Variants in RPS6KA6 observed in about 807,000 individuals in gnomAD.
RPS6KA6 encodes ribosomal protein S6 kinase alpha-6.
Under a neutral mutation model 65.4 loss-of-function variants are expected in RPS6KA6, and 27 were observed. The observed-to-expected ratio is 0.41, with a 90% CI of 0.30 to 0.57. The LOEUF (loss-of-function observed/expected upper bound fraction) is 0.57, where lower values mean the gene tolerates loss of function less well. Among genes scored for constraint, RPS6KA6 ranks in the 20% least tolerant of loss-of-function variants. RPS6KA6 has a pLI of 0.24. For synonymous variants in RPS6KA6, 190 were observed against 184.2 expected (o/e 1.03, Z -0.26); for missense variants, 486 against 555.6 (o/e 0.87, Z 1.26).
intron 6 of RPS6KA6, among the ~76,000 whole-genome samples, chrX:84,143,936 G>A (rs2035151995): frequency 9.0e-6 from 1 of 111,113 alleles, no homozygotes; most frequent in African/African-American, 3.3e-5. Context: ...GTGAAGAAAA[G>A]ACAGACTTTT....
chrX:84,127,796 A>C (rs1191301141), intron 8 of RPS6KA6, among the ~76,000 whole-genome samples: 1 of 110,188 alleles, frequency 9.1e-6, no homozygotes, highest in Non-Finnish European at 1.9e-5. Context: ...AAACCCTCAG[A>C]AAATTGGGTA....
intron 8 of RPS6KA6, among the ~76,000 whole-genome samples, chrX:84,130,592 A>T (rs991950942): frequency 1.3e-4 from 14 of 111,994 alleles, no homozygotes. Flanking sequence ...CCAAAGCAGG[A>T]AATAACTCAA....
intron 16 of RPS6KA6, among the ~76,000 whole-genome samples, chrX:84,105,140 T>C (rs1304821174): frequency 9.1e-6 from 1 of 109,899 alleles, no homozygotes; most frequent in Non-Finnish European, 1.9e-5. Flanking sequence ...AAGAAAAGTA[T>C]TTATACACTT....
chrX:84,156,044 G>A, intron 3 of RPS6KA6, 31 bp downstream of exon 3: 1 of 857,857 alleles, frequency 1.2e-6, no homozygotes. Context: ...GTTTAGAAGA[G>A]GAACAAATGG....
chrX:84,085,244 T>G (rs2033893116), intron 20 of RPS6KA6, among the ~76,000 whole-genome samples: 1 of 111,017 alleles, frequency 9.0e-6, no homozygotes, highest in African/African-American at 3.3e-5. Context: ...TGAATAGGAG[T>G]GGTGAGAGAG....
chrX:84,097,125 G>T (rs1283019254), intron 19 of RPS6KA6, among the ~76,000 whole-genome samples: 7 of 110,768 alleles, frequency 6.3e-5, no homozygotes. Flanking sequence ...ATAATTACTT[G>T]CTAAACTTGG....
At chrX:84,167,164 C>T (rs760315455) in intron 1 of RPS6KA6, among the ~76,000 whole-genome samples, 49 of 111,509 alleles carry the variant, frequency 4.4e-4, no homozygotes, top group Non-Finnish European at 7.7e-4. Context: ...TGAATGACTG[C>T]AGATTTCTCG....
At chrX:84,080,897 A>C (rs1470450895) in intron 20 of RPS6KA6, among the ~76,000 whole-genome samples, 1 of 111,881 alleles carries the variant, frequency 8.9e-6, no homozygotes, top group Non-Finnish European at 1.9e-5. Context: ...TAATGAAATT[A>C]AGGCAGAAAT....
At chrX:84,176,108 A>C (rs1007008895) in intron 1 of RPS6KA6, among the ~76,000 whole-genome samples, 2 of 111,966 alleles carry the variant, frequency 1.8e-5, no homozygotes, top group African/African-American at 6.5e-5. Flanking sequence ...TATTTCCAGA[A>C]CATTTGAGTT....
intron 5 of RPS6KA6, among the ~76,000 whole-genome samples, chrX:84,145,991 A>G (rs1602456908): frequency 9.0e-6 from 1 of 111,190 alleles, no homozygotes; most frequent in South Asian, 3.7e-4. Context: ...TACTTTTCAG[A>G]TCTTATTATA....
In RPS6KA6 at chrX:84,147,062, A is replaced by G; in HGVS notation, c.341-4T>C. On this transcript the variant is annotated splice_region_variant and splice_polypyrimidine_tract_variant and intron_variant, in intron 4 of 21. Coordinates refer to ENST00000262752, the MANE Select transcript of RPS6KA6 (RefSeq NM_014496.5). ...TTTGTCCGAACTCTGTCTCGAACTA[A>G]AAATTACATAAAGGTACAATATATT... The G allele has an allele frequency of 9.3e-7, 1 of 1,076,431 alleles. No individual in the cohort carries two copies. The highest frequency in any genetic ancestry group is 1.3e-6 in the Non-Finnish European group (1 of 780,555). The allele number at this position is 1,076,431 out of a possible 1,213,427, so 88.7% of individuals were successfully genotyped here. A position where few individuals can be genotyped will look rare whatever the true frequency, so the allele number is the denominator to read the frequency against.
At chrX:84,168,070 T>A (rs993154046) in intron 1 of RPS6KA6, among the ~76,000 whole-genome samples, 3 of 111,715 alleles carry the variant, frequency 2.7e-5, no homozygotes, top group Non-Finnish European at 3.8e-5. Context: ...TCAGTCATTA[T>A]CTTATTTGAT....
At chrX:84,065,141 T>C (rs750613959) in intron 20 of RPS6KA6, 30 bp from the exon 21 acceptor site, 3 of 991,594 alleles carry the variant, frequency 3.0e-6, no homozygotes, top group African/African-American at 3.8e-5. Flanking sequence ...TGTGTATATA[T>C]ATATACATGT....
chrX:84,087,352 G>A (rs768403515), intron 20 of RPS6KA6, among the ~76,000 whole-genome samples: 2 of 111,302 alleles, frequency 1.8e-5, no homozygotes, highest in African/African-American at 6.5e-5. Flanking sequence ...AGGCCTGGTC[G>A]TGAAGAATTC....
intron 20 of RPS6KA6, 29 bp downstream of exon 20, chrX:84,096,165 G>A (rs374297711): frequency 1.1e-6 from 1 of 947,988 alleles, no homozygotes; most frequent in African/African-American, 1.9e-5. Context: ...TAACATGAAT[G>A]CAACAAAACA....
chrX:84,132,235 C>T (rs755539036), intron 8 of RPS6KA6, among the ~76,000 whole-genome samples: 50 of 110,501 alleles, frequency 4.5e-4, no homozygotes, highest in Non-Finnish European at 8.5e-4. Context: ...CCAGCCTGGG[C>T]AATATAGCAA....
At chrX:84,130,252 T>C (rs1320884513) in intron 8 of RPS6KA6, among the ~76,000 whole-genome samples, 1 of 111,571 alleles carries the variant, frequency 9.0e-6, no homozygotes, top group Non-Finnish European at 1.9e-5. Flanking sequence ...GAAATAAATA[T>C]ATGAAAATGT....
intron 20 of RPS6KA6, among the ~76,000 whole-genome samples, chrX:84,079,835 T>G (rs764359365): frequency 1.8e-5 from 2 of 111,991 alleles, no homozygotes; most frequent in East Asian, 5.7e-4. Flanking sequence ...GTCAGGGGCT[T>G]ATAGATAAAA....
At chrX:84,099,235 A>G (rs1243728819) in intron 18 of RPS6KA6, among the ~76,000 whole-genome samples, 4 of 111,111 alleles carry the variant, frequency 3.6e-5, no homozygotes, top group Non-Finnish European at 5.7e-5. Context: ...TTGCTTAATT[A>G]GGGCCAAACA....
Sources: allele counts gnomAD v4.1 joint callset (sites outside exome capture counted in the v4.1 genomes callset), GRCh38; gene constraint gnomAD v4.1.1; transcripts MANE v1.5; gene names NCBI Gene and HGNC (gene_info 2026-07-23, HGNC 2026-07-21).